FCGR2A: variants seen among roughly 807,000 people sequenced by gnomAD.
FCGR2A encodes the protein Fc gamma receptor IIa.
FCGR2A carries 18 observed loss-of-function variants against 29.3 expected under a neutral mutation model. The observed-to-expected ratio is 0.62, with a 90% CI of 0.43 to 0.91. The LOEUF (loss-of-function observed/expected upper bound fraction) is 0.91. Ranked by LOEUF, FCGR2A falls within the 40% of genes least tolerant of loss-of-function variation. The pLI is 0.00. For missense variants in FCGR2A, 287 were observed against 393.0 expected (o/e 0.73, Z 2.28); for synonymous variants, 126 against 144.8 (o/e 0.87, Z 0.93).
chr1:161,506,982 C>A (rs1675458277), intron 3 of FCGR2A, among the ~76,000 whole-genome samples: 1 of 152,074 alleles, frequency 6.6e-6, no homozygotes, highest in Admixed American at 6.5e-5. Context: ...CAGGAGGCTG[C>A]CAGACAGGTG....
At chr1:161,514,689 A>G (rs384919) in intron 6 of FCGR2A, 2,368 of 146,500 alleles carry the variant, frequency 0.016, 70 homozygotes, top group African/African-American at 0.031. Context: ...TTGATTCAGC[A>G]GTTAATCTTG....
chr1:161,510,044 T>C lies in FCGR2A; in HGVS notation c.589T>C (p.Ser197Pro). 6.2e-7 allele frequency: 1 copy of C among 1,614,006 alleles called. No individual in the cohort carries two copies. The highest frequency in any genetic ancestry group is 8.5e-7 in the Non-Finnish European group (1 of 1,179,870). Residue 197 changes from serine (S) to proline (P), a missense_variant, in exon 4 of 7, where the codon TCA (serine) becomes CCA (proline). This residue lies in a region of FCGR2A where 181 missense variants were observed against 250.9 expected (regional missense o/e 0.72). Coordinates refer to ENST00000271450, the MANE Select transcript of FCGR2A (RefSeq NM_001136219.3). ...CTGNIGYTLF[S>P]SKPVTITVQV... is the part of the protein sequence containing the mutation. ...AGGAAACATAGGCTACACGCTGTTCTCATCCAAGCCTGTGACCATCACTGT... is the reference window on the plus strand; with the variant it reads ...AGGAAACATAGGCTACACGCTGTTCCCATCCAAGCCTGTGACCATCACTGT...
chr1:161,523,367 T>C (rs1037114313), downstream of FCGR2A: 2 of 152,120 alleles, frequency 1.3e-5, no homozygotes, highest in South Asian at 4.1e-4. Flanking sequence ...ATTCACAAAG[T>C]CACAACCTGA....
chr1:161,510,877 T>C lies in FCGR2A; in HGVS notation c.663T>C (p.Ala221=). 1 of 1,614,200 alleles carries C rather than the reference T, an allele frequency of 6.2e-7. No homozygotes were observed. Among genetic ancestry groups the C allele is most frequent in the Non-Finnish European group, 8.5e-7 (1 of 1,180,024 alleles). The change falls in exon 5 of 7, where the codon GCT becomes GCC. Residue 221 remains alanine (A), a synonymous_variant. Coordinates refer to ENST00000271450, the MANE Select transcript of FCGR2A (RefSeq NM_001136219.3). ...CTTCACCAATGGGGATCATTGTGGC[T>C]GTGGTCATTGCGACTGCTGTAGCAG... The part of the protein sequence containing the change: ...GSSSPMGIIV[A]VVIATAVAAI...
chr1:161,507,371 C>T (rs1675484594), intron 3 of FCGR2A, among the ~76,000 whole-genome samples: 1 of 152,228 alleles, frequency 6.6e-6, no homozygotes, highest in Non-Finnish European at 1.5e-5. Flanking sequence ...GATCTTCCCT[C>T]CTCAGGCTCT....
chr1:161,511,567 G>T (rs1675779436), intron 5 of FCGR2A, among the ~76,000 whole-genome samples: 1 of 152,214 alleles, frequency 6.6e-6, no homozygotes, highest in Non-Finnish European at 1.5e-5. Context: ...CCCCATGGGT[G>T]AGCTGAATTC....
intron 5 of FCGR2A, among the ~76,000 whole-genome samples, chr1:161,512,176 A>C (rs1675837299): frequency 6.6e-6 from 1 of 150,704 alleles, no homozygotes; most frequent in Non-Finnish European, 1.5e-5. Context: ...TAGGGGCTGT[A>C]AGACTGAGGC....
downstream of FCGR2A, among the ~76,000 whole-genome samples, chr1:161,522,200 AAAAT>A (rs1457602190): frequency 2.0e-5 from 3 of 151,948 alleles, no homozygotes; most frequent in Non-Finnish European, 4.4e-5. Context: ...GAACCAGAAA[AAAAT>A]AAAATAAAAA....
At position 161,518,113 on chromosome 1, in the gene FCGR2A, C is replaced by A. The variant is rs746847135; in HGVS notation, c.919C>A (p.Leu307Ile). The change falls in exon 7 of 7, where the codon CTT becomes ATT. Residue 307 changes from leucine to isoleucine, a missense_variant. By Grantham distance (5) the Leu-to-Ile change is conservative. Coordinates refer to ENST00000271450, the MANE Select transcript of FCGR2A (RefSeq NM_001136219.3). ...TDDDKNIYLT[L>I]PPNDHVNSNN ...CGATGATAAAAACATCTACCTGACT[C>A]TTCCTCCCAACGACCATGTCAACAG... 6.2e-7 allele frequency: 1 copy of A among 1,613,834 alleles called. No individual in the cohort carries two copies. The highest frequency in any genetic ancestry group is 8.5e-7 in the Non-Finnish European group (1 of 1,179,862).
chr1:161,521,925 C>T (rs1008251082), downstream of FCGR2A, among the ~76,000 whole-genome samples: 1 of 151,998 alleles, frequency 6.6e-6, no homozygotes, highest in Non-Finnish European at 1.5e-5. Flanking sequence ...AATATTGAGT[C>T]GTGAGCTTTG....
chr1:161,506,016 GC>G lies in FCGR2A; in HGVS notation c.106+12del, dbSNP rs1394455083. ...TGCAGACAGTCAAGCTGGTGAGTATGCCCTTTGCTTCCTTGTATTGACAGTG... is the reference window on the plus strand; with the variant it reads ...TGCAGACAGTCAAGCTGGTGAGTATGCCTTTGCTTCCTTGTATTGACAGTG... On this transcript the variant is annotated intron_variant, in intron 2 of 6. Transcript: ENST00000271450. 6.2e-7 allele frequency: 1 copy of G among 1,613,342 alleles called. No individual in the cohort carries two copies. The highest frequency in any genetic ancestry group is 1.3e-5 in the African/African-American group (1 of 74,904).
At chr1:161,507,562 A>G (rs552067848) in intron 3 of FCGR2A, among the ~76,000 whole-genome samples, 2 of 152,320 alleles carry the variant, frequency 1.3e-5, no homozygotes, top group South Asian at 4.1e-4. Context: ...CTCCTGTTCA[A>G]CACTGAAAGG....
At chr1:161,517,946 T>C (rs776271413) in intron 6 of FCGR2A, 29 bp from the exon 7 acceptor site, 1 of 1,592,992 alleles carries the variant, frequency 6.3e-7, no homozygotes, top group Non-Finnish European at 8.6e-7. Context: ...TATTGAATTA[T>C]CCTATGGGTT....
intron 2 of FCGR2A, 82 bp downstream of exon 2, chr1:161,506,089 G>T: frequency 8.4e-6 from 12 of 1,433,232 alleles, no homozygotes; most frequent in Admixed American, 1.7e-5. Context: ...CGGCGGGGGG[G>T]TATGTCTATT....
intron 6 of FCGR2A, among the ~76,000 whole-genome samples, chr1:161,516,522 T>A (rs1676155182): frequency 1.3e-5 from 2 of 152,070 alleles, no homozygotes; most frequent in South Asian, 4.2e-4. Context: ...GTCAGTAAAG[T>A]CTCTTGGATA....
chr1:161,506,095 C>A, intron 2 of FCGR2A, 88 bp downstream of exon 2: 2 of 1,400,584 alleles, frequency 1.4e-6, no homozygotes, highest in Non-Finnish European at 2.0e-6. Flanking sequence ...GGGGGTATGT[C>A]TATTCCACTG....
Position 161,506,332 on chromosome 1 carries a change from A to C in FCGR2A, c.107-2A>C. ...CACACCCCTTTCCACTCTGCCCCTC[A>C]GCAGCTCCCCCAAAGGCTGTGCTGA... On this transcript the variant is annotated splice_acceptor_variant, in intron 2 of 6. Transcript: ENST00000271450. LOFTEE classifies it high-confidence loss of function. 1 of 1,614,162 alleles carries C rather than the reference A, an allele frequency of 6.2e-7. No individual in the cohort carries two copies. Among genetic ancestry groups the C allele is most frequent in the Non-Finnish European group, 8.5e-7 (1 of 1,180,020 alleles).
intron 4 of FCGR2A, 191 bp downstream of exon 4, chr1:161,510,265 TC>T: frequency 2.0e-6 from 2 of 985,504 alleles, no homozygotes; most frequent in African/African-American, 1.6e-5. Flanking sequence ...AGCCCTCACG[TC>T]CCAGGTAATA....
chr1:161,520,831 G>T (rs1676424750), downstream of FCGR2A, among the ~76,000 whole-genome samples: 1 of 152,090 alleles, frequency 6.6e-6, no homozygotes, highest in Non-Finnish European at 1.5e-5. Flanking sequence ...TGTGGTTGGA[G>T]TAAAGGCTAG....
Sources: allele counts gnomAD v4.1 joint callset (sites outside exome capture counted in the v4.1 genomes callset), GRCh38; gene constraint gnomAD v4.1.1; regional missense constraint gnomAD v4.1.1; transcripts MANE v1.5; gene names NCBI Gene and HGNC (gene_info 2026-07-23, HGNC 2026-07-21).